The following SERBP1 variants were observed in gnomAD, a reference collection of about 807,000 sequenced individuals.
SERBP1 encodes SERPINE1 mRNA-binding protein 1.
SERBP1 carries 6 observed loss-of-function variants against 50.2 expected under a neutral mutation model. The ratio of observed to expected loss-of-function variants is 0.12; its 90% CI spans 0.07 to 0.24. The LOEUF (loss-of-function observed/expected upper bound fraction) is 0.24. Ranked by LOEUF, SERBP1 falls within the 10% of genes least tolerant of loss-of-function variation. SERBP1 has a pLI of 1.00. For missense variants in SERBP1, 346 were observed against 524.9 expected, an observed-to-expected ratio of 0.66 and a Z score of 3.33; for synonymous variants, 168 against 182.8, an observed-to-expected ratio of 0.92 and a Z score of 0.65.
chr1:67,419,979 A>T (rs752590171), intron 6 of SERBP1, 30 bp downstream of exon 6: 1 of 1,599,776 alleles, frequency 6.3e-7, no homozygotes, highest in Non-Finnish European at 8.6e-7. Context: ...ACATCTGAAC[A>T]TTTTCAAACA....
At chr1:67,425,294 C>A in intron 2 of SERBP1, 71 bp from the exon 3 acceptor site, 8 of 1,393,958 alleles carry the variant, frequency 5.7e-6, no homozygotes, top group South Asian at 1.4e-5. Context: ...TCCAAAAGAT[C>A]AAAAATACAG....
At chr1:67,424,857 A>G in intron 4 of SERBP1, 31 bp downstream of exon 4, 1 of 1,550,902 alleles carries the variant, frequency 6.4e-7, no homozygotes, top group African/African-American at 1.4e-5. Context: ...CTAGTTAGGT[A>G]TAGAATTTTT....
At chr1:67,424,430 CTAAA>C (rs1297798192) in intron 4 of SERBP1, 153 bp from the exon 5 acceptor site, 3 of 939,714 alleles carry the variant, frequency 3.2e-6, no homozygotes, top group South Asian at 1.9e-5. Context: ...TCCTTTCTTA[CTAAA>C]TATACTCCCC....
chr1:67,425,126 G>A lies in SERBP1; in HGVS notation c.562C>T (p.Arg188Cys), dbSNP rs767934992. The change falls in exon 3 of 8, where the codon CGT becomes TGT. Residue 188 changes from arginine to cysteine, a missense_variant. Transcript: ENST00000361219. Reference protein sequence around the residue: ...GMGRGDGFDSRGKREFDRHSG... With the variant: ...GMGRGDGFDSCGKREFDRHSG... ...TGCCTATCAAATTCACGTTTGCCAC[G>A]AGAATCAAATCCATCTCCTCGGCCC... 5.0e-6 allele frequency: 8 copies of A among 1,611,490 alleles called. No individual in the cohort carries two copies. Among genetic ancestry groups the A allele is most frequent in the South Asian group, 3.3e-5 (3 of 90,796 alleles).
In SERBP1 at chr1:67,429,162, T is replaced by G. The variant is rs1483719857; in HGVS notation, c.313+826A>C. ...AAGAGCTCTGCTGCGACTAACGCTG[T>G]GACAGCCTCTGCACTCACTTCACCC... On this transcript the variant is annotated intron_variant, in intron 1 of 7. Transcript: ENST00000361219. Among the ~76,000 whole-genome samples, 6 of 151,976 alleles carry G rather than the reference T, an allele frequency of 3.9e-5. 2 individuals carry two copies. The highest frequency in any genetic ancestry group is 3.9e-4 in the Admixed American group (6 of 15,288).
chr1:67,422,453 T>C (rs1334869125), intron 5 of SERBP1, among the ~76,000 whole-genome samples: 1 of 149,312 alleles, frequency 6.7e-6, no homozygotes, highest in Non-Finnish European at 1.5e-5. Context: ...GAGGTTGCAG[T>C]GAGCCGAGAT....
At chr1:67,417,779 G>T (rs1667063167) in intron 6 of SERBP1, among the ~76,000 whole-genome samples, 1 of 151,968 alleles carries the variant, frequency 6.6e-6, no homozygotes, top group South Asian at 2.1e-4. Context: ...CCGAAGTGCT[G>T]GGATTACAGG....
Position 67,412,839 on chromosome 1 carries a change from A to G in SERBP1, c.*368T>C, listed in dbSNP as rs1666885086. The G allele has an allele frequency of 5.6e-6, 1 of 179,132 alleles. No homozygotes were observed. The highest frequency in any genetic ancestry group is 2.4e-5 in the African/African-American group (1 of 42,334). The allele number at this position is 179,132 out of a possible 1,614,324, so 11.1% of individuals were successfully genotyped here. A position where few individuals can be genotyped will look rare whatever the true frequency, so the allele number is the denominator to read the frequency against. ...TGGGGGAACTTCTAAATCCTTAATT[A>G]AAAAACACAAATGAAGTGAAAGCTT... On this transcript the variant is annotated 3_prime_UTR_variant, in exon 8 of 8. Transcript: ENST00000361219.
In SERBP1 at chr1:67,420,114, T is replaced by C; in HGVS notation, c.846A>G (p.Gln282=). Reference sequence around the variant, plus strand: ...ATTCTACTTTTGCCCGGTCCTTATTTTGAATAGCCTTCCACTCATCCAAAG... The same window carrying C: ...ATTCTACTTTTGCCCGGTCCTTATTCTGAATAGCCTTCCACTCATCCAAAG... ...EMTLDEWKAI[Q]NKDRAKVEFN... Residue 282 remains glutamine (Q), a synonymous_variant, in exon 6 of 8, where the codon CAA becomes CAG. Coordinates refer to ENST00000361219, the MANE Select transcript of SERBP1 (RefSeq NM_001018069.2). 1 of 1,613,798 alleles carries C rather than the reference T, an allele frequency of 6.2e-7. No homozygotes were observed.
At chr1:67,421,256 T>C (rs965095836) in intron 5 of SERBP1, among the ~76,000 whole-genome samples, 1 of 152,204 alleles carries the variant, frequency 6.6e-6, no homozygotes, top group Non-Finnish European at 1.5e-5. Context: ...AAAAAAGTCC[T>C]GCTTACCCAT....
intron 2 of SERBP1, among the ~76,000 whole-genome samples, chr1:67,425,448 A>C (rs1451145419): frequency 7.2e-5 from 11 of 152,258 alleles, no homozygotes; most frequent in Admixed American, 7.2e-4. Context: ...AAGCATTACT[A>C]CCAGTGCATA....
chr1:67,426,193 G>T lies in SERBP1; in HGVS notation c.406C>A (p.Arg136=). The change falls in exon 2 of 8, where the codon CGA becomes AGA. Residue 136 remains arginine, a synonymous_variant. Coordinates refer to ENST00000361219, the MANE Select transcript of SERBP1 (RefSeq NM_001018069.2). ...RRPERRPPRE[R]RFEKPLEEKG... ...TCTTCAAGTGGCTTTTCGAATCTTCGTTCACGAGGTGGTCGCCTTTCTGGT... is the reference window on the plus strand; with the variant it reads ...TCTTCAAGTGGCTTTTCGAATCTTCTTTCACGAGGTGGTCGCCTTTCTGGT... 6.2e-7 allele frequency: 1 copy of T among 1,608,424 alleles called. No homozygotes were observed. The highest frequency in any genetic ancestry group is 8.5e-7 in the Non-Finnish European group (1 of 1,177,846).
rs1666803886 is a variant in SERBP1 at position 67,410,589 on chromosome 1, A to T, written c.*2618T>A. Reference sequence around the variant, plus strand: ...AATCATTTCAATACAAGCTGTAAAAATGCCTTAAAAATCTCAGGTCTGGCA... The same window carrying T: ...AATCATTTCAATACAAGCTGTAAAATTGCCTTAAAAATCTCAGGTCTGGCA... On this transcript the variant is annotated 3_prime_UTR_variant, in exon 8 of 8. Coordinates refer to ENST00000361219, the MANE Select transcript of SERBP1 (RefSeq NM_001018069.2). The T allele has an allele frequency of 6.6e-6, 1 of 152,202 alleles. No individual in the cohort carries two copies. Among genetic ancestry groups the T allele is most frequent in the Non-Finnish European group, 1.5e-5 (1 of 68,012 alleles). 9.4% of individuals were successfully genotyped at this position (152,202 alleles called of 1,614,324 possible).
At chr1:67,416,413 C>T (rs546834746) in intron 6 of SERBP1, among the ~76,000 whole-genome samples, 1 of 152,304 alleles carries the variant, frequency 6.6e-6, no homozygotes, top group South Asian at 2.1e-4. Flanking sequence ...AAGCAAAAAG[C>T]CAGACAATTC....
At chr1:67,419,851 T>C in intron 6 of SERBP1, 158 bp downstream of exon 6, 1 of 636,084 alleles carries the variant, frequency 1.6e-6, no homozygotes. Context: ...TATGTGATAA[T>C]ACAGTTTATT....
intron 7 of SERBP1, among the ~76,000 whole-genome samples, chr1:67,414,837 A>T (rs752870635): frequency 1.3e-5 from 2 of 152,220 alleles, no homozygotes; most frequent in Non-Finnish European, 2.9e-5. Context: ...AGTTAACCTG[A>T]TTCACTATAC....
At chr1:67,418,007 GCT>G (rs1667079995) in intron 6 of SERBP1, among the ~76,000 whole-genome samples, 1 of 88,834 alleles carries the variant, frequency 1.1e-5, no homozygotes. Context: ...AGACAGTCTT[GCT>G]CTGTTGCCCA....
intron 1 of SERBP1, 81 bp downstream of exon 1, chr1:67,429,907 C>T: frequency 7.0e-7 from 1 of 1,428,954 alleles, no homozygotes; most frequent in East Asian, 2.4e-5. Flanking sequence ...ACCCTCGGAG[C>T]TCCAGAAACA....
intron 7 of SERBP1, among the ~76,000 whole-genome samples, chr1:67,414,485 T>C (rs1045370209): frequency 6.6e-6 from 1 of 152,166 alleles, no homozygotes. Context: ...CAAATTTGTG[T>C]GTAAGGTGTT....
Sources: gnomAD v4.1 joint callset for allele counts (sites outside exome capture counted in the v4.1 genomes callset) on GRCh38, gnomAD v4.1.1 for gene constraint, MANE v1.5 for transcripts, NCBI Gene and HGNC (gene_info 2026-07-23, HGNC 2026-07-21) for gene names.